Variants in CD2AP observed in about 807,000 individuals in gnomAD.
The protein encoded by CD2AP is CD2-associated protein.
In CD2AP, 46 loss-of-function variants were observed where a neutral mutation model predicts 85.1. The ratio of observed to expected loss-of-function variants is 0.54; its 90% confidence interval spans 0.43 to 0.69. The LOEUF (loss-of-function observed/expected upper bound fraction) is 0.69, where lower values mean the gene tolerates loss of function less well. CD2AP is among the 30% of genes least tolerant of loss of function. The pLI is 0.00. For missense variants in CD2AP, 769 were observed against 729.5 expected (o/e 1.05, Z -0.62); for synonymous variants, 255 against 252.9 (o/e 1.01, Z -0.08).
rs1292169842 is a variant in CD2AP at position 47,478,361 on chromosome 6, A to ACCCCACCCTCTCCATTCT, written c.4+121_4+138dup. 2.0e-5 allele frequency: 24 copies of ACCCCACCCTCTCCATTCT among 1,219,750 alleles called. No homozygotes were observed. In the East Asian group the frequency reaches 6.1e-4, roughly 31 times the overall value. The allele number at this position is 1,219,750 out of a possible 1,614,324, so 75.6% of individuals were successfully genotyped here. ...CTGCGGTCAGCCCCTGAGCGGCAGC[A>ACCCCACCCTCTCCATTCT]CCCCACCCTCTCCATTCTCCCCACC... On this transcript the variant is annotated intron_variant, in intron 1 of 17. Transcript: ENST00000359314.
chr6:47,540,575 T>G (rs1767189790), intron 3 of CD2AP, among the ~76,000 whole-genome samples: 1 of 152,210 alleles, frequency 6.6e-6, no homozygotes, highest in Non-Finnish European at 1.5e-5. Context: ...TTTTTTCATT[T>G]TTTGCAAATG....
At chr6:47,546,640 G>A (rs530257223) in intron 4 of CD2AP, among the ~76,000 whole-genome samples, 3 of 152,230 alleles carry the variant, frequency 2.0e-5, no homozygotes, top group South Asian at 2.1e-4. Flanking sequence ...CCCCGGCCTT[G>A]CCAGAGACCT....
intron 8 of CD2AP, 43 bp from the exon 9 acceptor site, chr6:47,579,342 A>AC (rs1200916632): frequency 1.6e-6 from 2 of 1,233,730 alleles, no homozygotes; most frequent in Non-Finnish European, 2.4e-6. Context: ...CTTAAAAAAA[A>AC]AAAAAAGGTC....
intron 11 of CD2AP, among the ~76,000 whole-genome samples, chr6:47,588,044 C>T (rs1487933346): frequency 1.3e-5 from 2 of 152,112 alleles, no homozygotes; most frequent in Non-Finnish European, 2.9e-5. Flanking sequence ...TTTGCAGTTC[C>T]ATCTGTTTGC....
At chr6:47,578,991 T>C (rs1582583620) in intron 8 of CD2AP, among the ~76,000 whole-genome samples, 1 of 152,170 alleles carries the variant, frequency 6.6e-6, no homozygotes, top group Non-Finnish European at 1.5e-5. Flanking sequence ...TCTGAGAACA[T>C]TTTAACGTTA....
chr6:47,554,989 T>C (rs1307617652), intron 5 of CD2AP, among the ~76,000 whole-genome samples: 1 of 152,202 alleles, frequency 6.6e-6, no homozygotes, highest in Non-Finnish European at 1.5e-5. Flanking sequence ...TAACCTTAGG[T>C]AAATCTTTAG....
intron 2 of CD2AP, among the ~76,000 whole-genome samples, chr6:47,506,841 G>T (rs957313846): frequency 6.7e-6 from 1 of 149,512 alleles, no homozygotes; most frequent in Non-Finnish European, 1.5e-5. Context: ...GAGGGAGAGG[G>T]AGAGGGAGAG....
intron 2 of CD2AP, among the ~76,000 whole-genome samples, chr6:47,519,664 AT>A (rs1306064325): frequency 6.6e-6 from 1 of 152,212 alleles, no homozygotes; most frequent in African/African-American, 2.4e-5. Context: ...AGTGGAATTT[AT>A]TATCTCATCC....
chr6:47,505,017 T>TC (rs1156639556), intron 2 of CD2AP, among the ~76,000 whole-genome samples: 3 of 81,718 alleles, frequency 3.7e-5, no homozygotes, highest in Non-Finnish European at 8.9e-5. Context: ...GTTTCTTTTT[T>TC]TTTTTTTTTT....
intron 8 of CD2AP, among the ~76,000 whole-genome samples, chr6:47,577,794 TC>T (rs1348672149): frequency 1.1e-4 from 17 of 152,128 alleles, no homozygotes; most frequent in African/African-American, 3.6e-4. Context: ...TCCAGGCTGG[TC>T]TCAAACTCTT....
intron 5 of CD2AP, among the ~76,000 whole-genome samples, chr6:47,558,122 C>T (rs577254196): frequency 6.6e-6 from 1 of 152,254 alleles, no homozygotes; most frequent in Admixed American, 6.5e-5. Context: ...ATTTGGCCCT[C>T]TGTTTGTCTT....
intron 14 of CD2AP, among the ~76,000 whole-genome samples, chr6:47,606,705 T>A (rs536243244): frequency 5.3e-5 from 8 of 152,048 alleles, no homozygotes; most frequent in Non-Finnish European, 1.0e-4. Flanking sequence ...ATAATAGATT[T>A]GTATATTTAT....
intron 3 of CD2AP, among the ~76,000 whole-genome samples, chr6:47,535,934 ATTT>A (rs1376593421): frequency 1.3e-5 from 2 of 152,072 alleles, no homozygotes; most frequent in Non-Finnish European, 2.9e-5. Flanking sequence ...GGTTCTGAAT[ATTT>A]TTTCACTTTC....
At chr6:47,549,460 C>CAAAAAAAAA (rs67626138) in intron 4 of CD2AP, among the ~76,000 whole-genome samples, 2 of 110,692 alleles carry the variant, frequency 1.8e-5, no homozygotes, top group African/African-American at 3.4e-5. Flanking sequence ...ACAATAGCTG[C>CAAAAAAAAA]AAAAAAAAAA....
intron 3 of CD2AP, among the ~76,000 whole-genome samples, chr6:47,539,086 T>C (rs1465148506): frequency 6.6e-6 from 1 of 152,166 alleles, no homozygotes; most frequent in Non-Finnish European, 1.5e-5. Flanking sequence ...AAGCTGGGTA[T>C]GGAGGATGAT....
At chr6:47,544,781 G>A (rs1413610556) in intron 4 of CD2AP, 75 bp downstream of exon 4, 10 of 891,602 alleles carry the variant, frequency 1.1e-5, no homozygotes, top group Non-Finnish European at 1.9e-5. Flanking sequence ...TTAATTGTAA[G>A]AATATTAGTC....
chr6:47,561,792 A>C (rs890314901), intron 5 of CD2AP, among the ~76,000 whole-genome samples: 3 of 152,092 alleles, frequency 2.0e-5, no homozygotes, highest in Non-Finnish European at 2.9e-5. Flanking sequence ...TTATTTATGT[A>C]TTTATTGAGA....
At chr6:47,558,923 G>A (rs1429956788) in intron 5 of CD2AP, among the ~76,000 whole-genome samples, 1 of 152,102 alleles carries the variant, frequency 6.6e-6, no homozygotes. Context: ...TGTACCTCTG[G>A]TAGAGTTCGG....
chr6:47,622,206 A>G (rs1199124304), intron 17 of CD2AP, among the ~76,000 whole-genome samples: 1 of 152,170 alleles, frequency 6.6e-6, no homozygotes, highest in African/African-American at 2.4e-5. Context: ...CTCCCCCAAC[A>G]GCCCTGTTTC....
Sources: gnomAD v4.1 joint callset for allele counts (sites outside exome capture counted in the v4.1 genomes callset) on GRCh38, gnomAD v4.1.1 for gene constraint, MANE v1.5 for transcripts, NCBI Gene and HGNC (gene_info 2026-07-23, HGNC 2026-07-21) for gene names.